The following RBBP8 variants were observed in gnomAD, a reference collection of about 807,000 sequenced individuals.
RBBP8 encodes RB binding protein 8, endonuclease.
A neutral mutation model predicts 108.3 loss-of-function variants in RBBP8; 88 were observed. The ratio of observed to expected loss-of-function variants is 0.81; its 90% CI spans 0.68 to 0.97. The LOEUF (loss-of-function observed/expected upper bound fraction) is 0.97. RBBP8 is among the 50% of genes least tolerant of loss of function. RBBP8 has a pLI of 0.00. For missense variants in RBBP8, 1,023 were observed against 1,049.0 expected (o/e 0.98, Z 0.34); for synonymous variants, 332 against 348.2 (o/e 0.95, Z 0.52).
intron 7 of RBBP8, among the ~76,000 whole-genome samples, chr18:22,983,670 A>G (rs1465992648): frequency 6.4e-5 from 3 of 46,588 alleles, no homozygotes. Context: ...TGAAAGCAGC[A>G]TGTAACTATT....
chr18:22,936,297 T>A (rs1056422084), intron 1 of RBBP8, among the ~76,000 whole-genome samples: 2 of 149,788 alleles, frequency 1.3e-5, no homozygotes, highest in African/African-American at 5.0e-5. Context: ...AGATGGGGTT[T>A]CACCATGGTG....
chr18:23,014,032 C>T (rs1194893182), intron 16 of RBBP8, among the ~76,000 whole-genome samples: 1 of 152,160 alleles, frequency 6.6e-6, no homozygotes, highest in African/African-American at 2.4e-5. Context: ...CAGAGTCTCA[C>T]TCTGTCACCC....
At chr18:22,914,589 T>C (rs1379805) in intron 1 of RBBP8, among the ~76,000 whole-genome samples, 73,944 of 152,112 alleles carry the variant, frequency 0.49, 21,286 homozygotes, top group Middle Eastern at 0.65. Context: ...AAATTTCACA[T>C]ATTAATGATT....
At chr18:22,937,197 T>G in intron 2 of RBBP8, 3 of 651,536 alleles carry the variant, frequency 4.6e-6, no homozygotes, top group Non-Finnish European at 7.0e-6. Context: ...CCCCACCCTC[T>G]TCCCACCCCC....
At chr18:22,926,721 A>T (rs962298685) in intron 3 of RBBP8, among the ~76,000 whole-genome samples, 1 of 152,244 alleles carries the variant, frequency 6.6e-6, no homozygotes, top group African/African-American at 2.4e-5. Flanking sequence ...TAGAGTGAAG[A>T]TCAAAATAAA....
At chr18:23,003,888 C>T (rs1298121456) in intron 15 of RBBP8, among the ~76,000 whole-genome samples, 1 of 151,736 alleles carries the variant, frequency 6.6e-6, no homozygotes, top group Non-Finnish European at 1.5e-5. Flanking sequence ...GAAACCCCGT[C>T]TCCTGAAAAT....
At chr18:22,968,956 A>G (rs1255103831) in intron 5 of RBBP8, 38 bp downstream of exon 5, 2 of 1,467,058 alleles carry the variant, frequency 1.4e-6, no homozygotes, top group African/African-American at 2.8e-5. Context: ...TAAAGTATGT[A>G]ATGTATTATT....
intron 4 of RBBP8, among the ~76,000 whole-genome samples, chr18:22,952,352 T>C (rs769025180): frequency 1.3e-5 from 2 of 152,190 alleles, no homozygotes; most frequent in Non-Finnish European, 1.5e-5. Flanking sequence ...GTCTTAGGGC[T>C]GAATCCTTTG....
chr18:22,942,171 A>G (rs1363403351), intron 2 of RBBP8, among the ~76,000 whole-genome samples: 2 of 152,122 alleles, frequency 1.3e-5, no homozygotes, highest in African/African-American at 4.8e-5. Flanking sequence ...AGGTATATAT[A>G]GGAATCAAAA....
chr18:22,986,343 G>A (rs1386770375), intron 8 of RBBP8, among the ~76,000 whole-genome samples: 1 of 152,126 alleles, frequency 6.6e-6, no homozygotes, highest in Non-Finnish European at 1.5e-5. Context: ...CATGAGATTT[G>A]GTTGCATGTA....
chr18:22,999,168 C>CT (rs1308185709), intron 14 of RBBP8, among the ~76,000 whole-genome samples: 1 of 152,204 alleles, frequency 6.6e-6, no homozygotes, highest in Non-Finnish European at 1.5e-5. Flanking sequence ...TAATAAAGTG[C>CT]TATGGATAGT....
intron 4 of RBBP8, among the ~76,000 whole-genome samples, chr18:22,956,005 A>G (rs2144522351): frequency 6.6e-6 from 1 of 152,236 alleles, no homozygotes; most frequent in South Asian, 2.1e-4. Flanking sequence ...ATCTCAAAGT[A>G]TTTGTGCTTG....
chr18:22,925,631 T>C (rs922576912), intron 3 of RBBP8, among the ~76,000 whole-genome samples: 1 of 152,244 alleles, frequency 6.6e-6, no homozygotes, highest in Non-Finnish European at 1.5e-5. Flanking sequence ...GTGTTTAAGA[T>C]GCGATGATTT....
At chr18:22,945,465 G>A (rs1021600566) in intron 2 of RBBP8, among the ~76,000 whole-genome samples, 2 of 151,730 alleles carry the variant, frequency 1.3e-5, no homozygotes, top group Admixed American at 6.6e-5. Flanking sequence ...TCAGCTCACC[G>A]CAGCCTCTGC....
intron 4 of RBBP8, 34 bp downstream of exon 4, chr18:22,949,747 G>A (rs756021778): frequency 2.1e-5 from 30 of 1,438,314 alleles, no homozygotes; most frequent in Admixed American, 1.7e-4. Flanking sequence ...AGTAAGAAGT[G>A]ATTTCCTCCA....
At chr18:22,942,232 GT>G (rs920526761) in intron 2 of RBBP8, among the ~76,000 whole-genome samples, 2 of 152,024 alleles carry the variant, frequency 1.3e-5, no homozygotes, top group African/African-American at 4.8e-5. Flanking sequence ...AAAGAGAAAT[GT>G]TGGGAATGGT....
intron 9 of RBBP8, 31 bp from the exon 10 acceptor site, chr18:22,990,906 C>T (rs755453736): frequency 6.7e-7 from 1 of 1,492,170 alleles, no homozygotes; most frequent in Non-Finnish European, 9.3e-7. Context: ...AATCCCATTA[C>T]ATGGATGTGC....
chr18:23,016,836 G>C lies in RBBP8; in HGVS notation c.2366G>C (p.Ser789Thr). Residue 789 changes from serine to threonine, a missense_variant, in exon 17 of 19, where the codon AGC (serine) becomes ACC (threonine). Transcript: ENST00000327155. The stretch of plus-strand genomic sequence containing the variant: ...ATTCATTTTTCCCCCAGAGAGACTA[G>C]CTTGCAAAATTTTCCTCATATTGAG... ...PYFKGDERET[S>T]LQNFPHIEVV... 1.9e-6 allele frequency: 3 copies of C among 1,612,468 alleles called. No homozygotes were observed. The highest frequency in any genetic ancestry group is 2.5e-6 in the Non-Finnish European group (3 of 1,178,722).
At chr18:23,004,164 G>T (rs1180891402) in intron 15 of RBBP8, among the ~76,000 whole-genome samples, 1 of 151,442 alleles carries the variant, frequency 6.6e-6, no homozygotes, top group Non-Finnish European at 1.5e-5. Flanking sequence ...ATGTTAAAGA[G>T]GTATCTGCAC....
Sources: gnomAD v4.1 joint callset for allele counts (sites outside exome capture counted in the v4.1 genomes callset) on GRCh38, gnomAD v4.1.1 for gene constraint, MANE v1.5 for transcripts, NCBI Gene and HGNC (gene_info 2026-07-23, HGNC 2026-07-21) for gene names.